The following STARD6 variants were observed in gnomAD, a reference collection of about 807,000 sequenced individuals.
STARD6 encodes StAR related lipid transfer domain containing 6.
A neutral mutation model predicts 22.3 loss-of-function variants in STARD6; 21 were observed. That is an observed-to-expected ratio of 0.94 (90% CI 0.67 to 1.35). STARD6 has a LOEUF of 1.35. STARD6 is among the 40% of genes most tolerant of loss of function. STARD6 has a pLI of 0.00. For missense variants in STARD6, 269 were observed against 266.9 expected, an observed-to-expected ratio of 1.01 and a Z score of -0.05; for synonymous variants, 80 against 88.1, an observed-to-expected ratio of 0.91 and a Z score of 0.52.
intron 6 of STARD6, among the ~76,000 whole-genome samples, chr18:54,330,126 G>A (rs2088854462): frequency 6.6e-6 from 1 of 151,828 alleles, no homozygotes; most frequent in African/African-American, 2.4e-5. Flanking sequence ...TGTTTATTCT[G>A]TGCAACTGAA....
At chr18:54,356,064 T>C (rs1339187286) in intron 2 of STARD6, among the ~76,000 whole-genome samples, 1 of 152,188 alleles carries the variant, frequency 6.6e-6, no homozygotes, top group Non-Finnish European at 1.5e-5. Flanking sequence ...CTATACTAGG[T>C]TATCAAAATA....
At chr18:54,335,131 G>T (rs2088896395) in intron 5 of STARD6, among the ~76,000 whole-genome samples, 1 of 151,978 alleles carries the variant, frequency 6.6e-6, no homozygotes, top group Admixed American at 6.6e-5. Flanking sequence ...TACATTAATG[G>T]AAGAGAGGAG....
chr18:54,332,263 G>A (rs2088871671), intron 5 of STARD6, among the ~76,000 whole-genome samples: 1 of 152,150 alleles, frequency 6.6e-6, no homozygotes, highest in African/African-American at 2.4e-5. Context: ...TGTGGTGTAA[G>A]GTCTAACATT....
At chr18:54,330,875 C>T (rs538846829) in intron 6 of STARD6, among the ~76,000 whole-genome samples, 5 of 152,100 alleles carry the variant, frequency 3.3e-5, no homozygotes, top group Admixed American at 6.5e-5. Context: ...TATGTGCCCT[C>T]ATTTCAAAAA....
In STARD6 at chr18:54,331,612, G is replaced by T. The variant is rs2088865395; in HGVS notation, c.385+130C>A. On this transcript the variant is annotated intron_variant, in intron 6 of 7. Coordinates refer to ENST00000307844, the MANE Select transcript of STARD6 (RefSeq NM_139171.2). ...GCATATCTACATGATACGTCTAATT[G>T]TTGATCCCACTAAGTAAATTTAAAA... is the stretch of plus-strand genomic sequence containing the variant. The T allele has an allele frequency of 4.5e-6, 3 of 673,648 alleles. No homozygotes were observed. The Admixed American group carries it at 7.8e-5, about 18-fold the overall frequency. 41.7% of individuals were successfully genotyped at this position (673,648 alleles called of 1,614,324 possible).
At position 54,329,346 on chromosome 18, in the gene STARD6, C is replaced by A; in HGVS notation, c.479+1G>T. 1.3e-6 allele frequency: 2 copies of A among 1,578,134 alleles called. No individual in the cohort carries two copies. The highest frequency in any genetic ancestry group is 1.4e-5 in the African/African-American group (1 of 72,718). On this transcript the variant is annotated splice_donor_variant, in intron 7 of 7. Transcript: ENST00000307844. LOFTEE classifies it high-confidence loss of function. ...AATAAATAAGTGCAAACAACACTTACTCTTCCATTGGTGAACATACAAAGC... is the reference window on the plus strand; with the variant it reads ...AATAAATAAGTGCAAACAACACTTAATCTTCCATTGGTGAACATACAAAGC...
At chr18:54,332,396 C>G (rs1477743850) in intron 5 of STARD6, among the ~76,000 whole-genome samples, 1 of 152,196 alleles carries the variant, frequency 6.6e-6, no homozygotes, top group East Asian at 1.9e-4. Flanking sequence ...GCCAAACAAC[C>G]CTCCTTCTCA....
At chr18:54,356,534 C>T (rs1026146241) in intron 1 of STARD6, 90 bp from the exon 2 acceptor site, 1 of 152,110 alleles carries the variant, frequency 6.6e-6, no homozygotes, top group Non-Finnish European at 1.5e-5. Context: ...TCTCAGTGTC[C>T]TTTATCTATA....
intron 4 of STARD6, among the ~76,000 whole-genome samples, chr18:54,343,474 C>G (rs1435740937): frequency 8.4e-6 from 1 of 118,516 alleles, no homozygotes; most frequent in East Asian, 2.5e-4. Flanking sequence ...AGGGGCGCCT[C>G]TGCCCGGCCG....
chr18:54,354,509 G>A lies in STARD6; in HGVS notation c.65C>T (p.Ser22Leu). Reference protein sequence around the residue: ...QEVLGYNRDTSGWKVVKTSKK... With the variant: ...QEVLGYNRDTLGWKVVKTSKK... ...TGAAGTTTTAACCACTTTCCAGCCT[G>A]ATGTATCTCGATTATAACCTAAAAC... Residue 22 changes from serine (S) to leucine (L), a missense_variant, in exon 3 of 8, where the codon TCA becomes TTA. By Grantham distance (145) the Ser-to-Leu change is moderately radical (BLOSUM62 -2). Transcript: ENST00000307844. 6.2e-7 allele frequency: 1 copy of A among 1,613,496 alleles called. No individual in the cohort carries two copies. The highest frequency in any genetic ancestry group is 8.5e-7 in the Non-Finnish European group (1 of 1,179,696).
At chr18:54,329,147 T>C (rs1012067328) in intron 7 of STARD6, among the ~76,000 whole-genome samples, 200 bp downstream of exon 7, 1 of 152,128 alleles carries the variant, frequency 6.6e-6, no homozygotes, top group Non-Finnish European at 1.5e-5. Flanking sequence ...TCATACTTTA[T>C]AGGGAAGTAT....
At chr18:54,340,348 C>A (rs1232227427) in intron 4 of STARD6, among the ~76,000 whole-genome samples, 2 of 151,964 alleles carry the variant, frequency 1.3e-5, no homozygotes, top group South Asian at 2.1e-4. Context: ...GCAGTAGATT[C>A]TGATGAATTA....
At chr18:54,342,493 C>G (rs1371383211) in intron 4 of STARD6, among the ~76,000 whole-genome samples, 24 of 127,218 alleles carry the variant, frequency 1.9e-4, no homozygotes, top group African/African-American at 7.2e-4. Flanking sequence ...CTCCGTCTCC[C>G]TCTCCCCACG....
At chr18:54,352,129 G>GTTT (rs556480398) in intron 4 of STARD6, among the ~76,000 whole-genome samples, 2 of 131,136 alleles carry the variant, frequency 1.5e-5, no homozygotes, top group East Asian at 2.2e-4. Context: ...ACTTGTTTTT[G>GTTT]TTTTTTTTTT....
At chr18:54,326,305 T>G (rs2088824356) in intron 7 of STARD6, among the ~76,000 whole-genome samples, 1 of 150,704 alleles carries the variant, frequency 6.6e-6, no homozygotes, top group Non-Finnish European at 1.5e-5. Flanking sequence ...AAGGATCTAA[T>G]TGAGTTGTCA....
chr18:54,343,726 T>G (rs1277658745), intron 4 of STARD6, among the ~76,000 whole-genome samples: 15 of 27,150 alleles, frequency 5.5e-4, no homozygotes, highest in East Asian at 2.1e-3. Flanking sequence ...GAGGTGGGGG[T>G]GTCGGCCCCC....
chr18:54,351,430 C>T (rs2089094962), intron 4 of STARD6, among the ~76,000 whole-genome samples: 1 of 152,142 alleles, frequency 6.6e-6, no homozygotes, highest in South Asian at 2.1e-4. Flanking sequence ...GACAGTCTGT[C>T]TTCCTCTTTA....
Position 54,331,834 on chromosome 18 carries a change from G to A in STARD6, c.293C>T (p.Thr98Ile). 6.2e-7 allele frequency: 1 copy of A among 1,612,264 alleles called. No homozygotes were observed. The highest frequency in any genetic ancestry group is 1.1e-5 in the South Asian group (1 of 90,862). The change falls in exon 6 of 8, where the codon ACA (threonine) becomes ATA (isoleucine). Residue 98 changes from threonine to isoleucine, a missense_variant. Thr to Ile is a moderately conservative substitution (Grantham distance 89). Transcript: ENST00000307844. ...AATGGAGCCCACGGCAAAACTTTGT[G>A]TAATGGTATGACATATGAATGTGTC... Reference protein sequence around the residue: ...DSDTFICHTITQSFAVGSISP... With the variant: ...DSDTFICHTIIQSFAVGSISP...
chr18:54,338,014 T>C (rs956902707), intron 4 of STARD6, among the ~76,000 whole-genome samples: 59 of 152,148 alleles, frequency 3.9e-4, no homozygotes, highest in African/African-American at 1.4e-3. Flanking sequence ...GCTGTGTTTA[T>C]GCACCGGCTC....
Sources: allele counts gnomAD v4.1 joint callset (sites outside exome capture counted in the v4.1 genomes callset), GRCh38; gene constraint gnomAD v4.1.1; transcripts MANE v1.5; gene names NCBI Gene and HGNC (gene_info 2026-07-23, HGNC 2026-07-21).